Variants in DGKB observed in about 807,000 individuals in gnomAD.
The protein encoded by DGKB is 90 kDa diacylglycerol kinase.
A neutral mutation model predicts 114.3 loss-of-function variants in DGKB; 67 were observed. The ratio of observed to expected loss-of-function variants is 0.59; its 90% confidence interval spans 0.48 to 0.72. The LOEUF (loss-of-function observed/expected upper bound fraction) is 0.72. Ranked by LOEUF, DGKB falls within the 30% of genes least tolerant of loss-of-function variation. The pLI is 0.00. For synonymous variants in DGKB, 398 were observed against 323.1 expected (o/e 1.23, Z -2.49); for missense variants, 907 against 975.2 (o/e 0.93, Z 0.93).
chr7:14,858,278 T>A (rs1291987926), intron 1 of DGKB, among the ~76,000 whole-genome samples: 3 of 152,170 alleles, frequency 2.0e-5, no homozygotes, highest in East Asian at 1.9e-4. Context: ...ACAACCAAAT[T>A]GTCTACAGCA....
chr7:14,888,746 G>A (rs1313735803), intron 1 of DGKB, among the ~76,000 whole-genome samples: 1 of 151,638 alleles, frequency 6.6e-6, no homozygotes, highest in African/African-American at 2.4e-5. Context: ...TCTGAAAATT[G>A]TCAGGGTAGA....
chr7:14,338,211 C>T (rs149881413), intron 23 of DGKB, among the ~76,000 whole-genome samples: 112 of 152,184 alleles, frequency 7.4e-4, no homozygotes, highest in Admixed American at 3.3e-3. Flanking sequence ...AAGACAATCA[C>T]GTTTCAGAAG....
chr7:14,812,623 G>A (rs552205516), intron 2 of DGKB, among the ~76,000 whole-genome samples: 3 of 152,048 alleles, frequency 2.0e-5, no homozygotes, highest in African/African-American at 7.2e-5. Flanking sequence ...CTAAGCTACA[G>A]CTCCCAGGGT....
intron 17 of DGKB, among the ~76,000 whole-genome samples, chr7:14,606,092 T>C (rs1804455124): frequency 2.6e-5 from 4 of 152,060 alleles, no homozygotes; most frequent in Non-Finnish European, 5.9e-5. Context: ...GAATGCACAA[T>C]ATCCTAATTC....
At chr7:14,317,782 CTACTT>C (rs1455305138) in intron 23 of DGKB, among the ~76,000 whole-genome samples, 82 of 84,292 alleles carry the variant, frequency 9.7e-4, no homozygotes, top group Admixed American at 1.6e-3. Context: ...TTGGAAAAAA[CTACTT>C]TAAAGTTCAT....
chr7:14,285,926 T>G (rs866182782), intron 23 of DGKB, among the ~76,000 whole-genome samples: 12 of 152,236 alleles, frequency 7.9e-5, no homozygotes, highest in Middle Eastern at 6.8e-3. Flanking sequence ...GAAAACCCTG[T>G]GTTTGGATCT....
At chr7:14,381,561 T>A (rs1170097225) in intron 21 of DGKB, among the ~76,000 whole-genome samples, 1 of 152,164 alleles carries the variant, frequency 6.6e-6, no homozygotes, top group Admixed American at 6.5e-5. Context: ...TCCTGTGAAA[T>A]CTGTGTGACT....
At chr7:14,426,480 T>G (rs1295739086) in intron 21 of DGKB, among the ~76,000 whole-genome samples, 1 of 152,252 alleles carries the variant, frequency 6.6e-6, no homozygotes, top group South Asian at 2.1e-4. Context: ...AATAAAGTCA[T>G]GTACCACAAT....
intron 23 of DGKB, among the ~76,000 whole-genome samples, chr7:14,216,177 C>G (rs954942441): frequency 4.0e-5 from 6 of 151,868 alleles, no homozygotes; most frequent in African/African-American, 1.5e-4. Context: ...TGAAATAGAA[C>G]AAGAAGAAGA....
chr7:14,388,136 C>G (rs1228734275), intron 21 of DGKB, among the ~76,000 whole-genome samples: 2 of 150,832 alleles, frequency 1.3e-5, no homozygotes, highest in African/African-American at 4.9e-5. Context: ...CTTGGCCTCC[C>G]AAAGTGCTAG....
At chr7:14,723,456 T>C (rs867067186) in intron 5 of DGKB, among the ~76,000 whole-genome samples, 3 of 152,292 alleles carry the variant, frequency 2.0e-5, no homozygotes, top group Admixed American at 6.5e-5. Flanking sequence ...AGAGTAAATA[T>C]TGCAATTGAC....
intron 6 of DGKB, among the ~76,000 whole-genome samples, chr7:14,704,512 G>A (rs1328580925): frequency 6.6e-6 from 1 of 151,476 alleles, no homozygotes. Flanking sequence ...AATAGGAACA[G>A]CTCCGGTCTA....
At chr7:14,971,949 T>C (rs1048537262) in intron 1 of DGKB, among the ~76,000 whole-genome samples, 4 of 152,110 alleles carry the variant, frequency 2.6e-5, no homozygotes, top group Admixed American at 2.0e-4. Context: ...TTTCACCACG[T>C]TGGCCAGACT....
chr7:14,245,192 AAC>A (rs1336326236), intron 23 of DGKB, among the ~76,000 whole-genome samples: 2 of 151,904 alleles, frequency 1.3e-5, no homozygotes, highest in Non-Finnish European at 2.9e-5. Context: ...ACACGCACAA[AAC>A]ACACACTGTG....
intron 2 of DGKB, among the ~76,000 whole-genome samples, chr7:14,805,449 A>C (rs991789070): frequency 6.6e-5 from 10 of 152,008 alleles, no homozygotes; most frequent in African/African-American, 2.4e-4. Context: ...TAACTGGTTA[A>C]ATTCATCATA....
At chr7:14,214,471 G>GA (rs1485391065) in intron 23 of DGKB, among the ~76,000 whole-genome samples, 1 of 151,970 alleles carries the variant, frequency 6.6e-6, no homozygotes, top group East Asian at 1.9e-4. Flanking sequence ...GAAAAGAAAA[G>GA]AAAAAGTTTA....
intron 8 of DGKB, among the ~76,000 whole-genome samples, chr7:14,697,278 C>T (rs1824107800): frequency 6.6e-6 from 1 of 152,062 alleles, no homozygotes; most frequent in Non-Finnish European, 1.5e-5. Flanking sequence ...GTAATTTTAA[C>T]ATATTTGGGT....
chr7:14,153,268 CTTTTG>C (rs1782493016), intron 25 of DGKB, among the ~76,000 whole-genome samples: 1 of 152,030 alleles, frequency 6.6e-6, no homozygotes, highest in South Asian at 2.1e-4. Flanking sequence ...ATTTCCCTTT[CTTTTG>C]TTATCTGAAC....
At chr7:14,857,384 C>T (rs1266392600) in intron 1 of DGKB, among the ~76,000 whole-genome samples, 1 of 151,944 alleles carries the variant, frequency 6.6e-6, no homozygotes, top group African/African-American at 2.4e-5. Flanking sequence ...TCTAGTCAAA[C>T]TTTCAGATGA....
Sources: gnomAD v4.1 joint callset for allele counts (sites outside exome capture counted in the v4.1 genomes callset) on GRCh38, gnomAD v4.1.1 for gene constraint, MANE v1.5 for transcripts, NCBI Gene and HGNC (gene_info 2026-07-23, HGNC 2026-07-21) for gene names.